ADGRA2: variants seen among roughly 807,000 people sequenced by gnomAD.
The protein encoded by ADGRA2 is G-protein coupled receptor 124.
Under a neutral mutation model 98.7 loss-of-function variants are expected in ADGRA2, and 61 were observed. The observed-to-expected ratio is 0.62, with a 90% CI of 0.50 to 0.76. The LOEUF is 0.76. Among genes scored for constraint, ADGRA2 ranks in the 30% least tolerant of loss-of-function variants. The pLI is 0.00. For missense variants in ADGRA2, 1,712 were observed against 1,860.0 expected (o/e 0.92, Z 1.46); for synonymous variants, 858 against 831.5 (o/e 1.03, Z -0.55).
chr8:37,839,768 G>C, intron 16 of ADGRA2, 146 bp downstream of exon 16: 1 of 1,013,532 alleles, frequency 9.9e-7, no homozygotes, highest in Non-Finnish European at 1.4e-6. Context: ...TTGGAAGGCA[G>C]GGATGGTGGG....
chr8:37,811,159 T>G (rs1355111162), intron 1 of ADGRA2, among the ~76,000 whole-genome samples: 3 of 100,320 alleles, frequency 3.0e-5, no homozygotes, highest in African/African-American at 1.3e-4. Context: ...ATACTGTGTG[T>G]GTGTGTGTGT....
chr8:37,819,505 A>G (rs971348355), intron 2 of ADGRA2, among the ~76,000 whole-genome samples: 2 of 152,052 alleles, frequency 1.3e-5, no homozygotes, highest in Non-Finnish European at 2.9e-5. Flanking sequence ...AGTAACTGGG[A>G]TTACAGGCAC....
chr8:37,814,830 T>C lies in ADGRA2; in HGVS notation c.267-66T>C. ...CAAAGATGCAAGCTGGCCCCACCAGTGGTGAAAGCGGATGCCCAGCACATA... is the reference window on the plus strand; with the variant it reads ...CAAAGATGCAAGCTGGCCCCACCAGCGGTGAAAGCGGATGCCCAGCACATA... On this transcript the variant is annotated intron_variant, in intron 1 of 18. Coordinates refer to ENST00000412232, the MANE Select transcript of ADGRA2 (RefSeq NM_032777.10). The surrounding 1 kb of genome is among the most constrained non-coding windows in gnomAD (Gnocchi z 4.3). 8.4e-7 allele frequency: 1 copy of C among 1,185,380 alleles called. No individual in the cohort carries two copies. Among genetic ancestry groups the C allele is most frequent in the Non-Finnish European group, 1.3e-6 (1 of 790,848 alleles). The allele number at this position is 1,185,380 out of a possible 1,614,324, so 73.4% of individuals were successfully genotyped here. A position where few individuals can be genotyped will look rare whatever the true frequency, so the allele number is the denominator to read the frequency against.
chr8:37,829,664 A>G, intron 5 of ADGRA2, 105 bp downstream of exon 5: 1 of 987,884 alleles, frequency 1.0e-6, no homozygotes, highest in Admixed American at 1.8e-5. Context: ...ACGAGTGGCC[A>G]CAGCAGACAG....
Position 37,830,610 on chromosome 8 carries a change from G to GCGCCCCC in ADGRA2, c.719-99_719-98insGCCCCCC. 2.9e-5 allele frequency: 17 copies of GCGCCCCC among 579,886 alleles called. No individual in the cohort carries two copies. The highest frequency in any genetic ancestry group is 4.7e-4 in the Middle Eastern group (1 of 2,140). The allele number at this position is 579,886 out of a possible 1,614,324, so 35.9% of individuals were successfully genotyped here. On this transcript the variant is annotated intron_variant, in intron 6 of 18. Coordinates refer to ENST00000412232, the MANE Select transcript of ADGRA2 (RefSeq NM_032777.10). This position sits in a 1 kb window ranked among gnomAD's most constrained non-coding sequence, Gnocchi z 4.8. ...AGCTGGAGCAGGCTGCAGGCCGAGG[G>GCGCCCCC]CCCCGCCCCGCCCCACCCCATCCTG...
At chr8:37,831,643 C>T in intron 8 of ADGRA2, 56 bp downstream of exon 8, 3 of 1,521,564 alleles carry the variant, frequency 2.0e-6, no homozygotes, top group Non-Finnish European at 2.7e-6. Flanking sequence ...CACCCTTGCA[C>T]CTGACATCAC....
chr8:37,823,986 C>T (rs1297077592), intron 2 of ADGRA2, among the ~76,000 whole-genome samples: 3 of 151,844 alleles, frequency 2.0e-5, no homozygotes, highest in African/African-American at 7.3e-5. Flanking sequence ...AATATTTTCT[C>T]TCATTCTGTG....
Position 37,842,601 on chromosome 8 carries a change from C to T in ADGRA2, c.*246C>T, listed in dbSNP as rs952484199. 4 of 551,320 alleles carry T rather than the reference C, an allele frequency of 7.3e-6. No homozygotes were observed. In the Admixed American group the frequency reaches 1.3e-4, roughly 18 times the overall value. The allele number at this position is 551,320 out of a possible 1,614,324, so 34.2% of individuals were successfully genotyped here. On this transcript the variant is annotated 3_prime_UTR_variant, in exon 19 of 19. Coordinates refer to ENST00000412232, the MANE Select transcript of ADGRA2 (RefSeq NM_032777.10). ...GGCAGTCTGACTGTCGGTGCCCTCC[C>T]AGGAACGGGGAAGGCCTCCGTCTGT...
rs113785099 is a variant in ADGRA2, at chr8:37,830,071, A to G, written c.718+57A>G. ...AGGGACCCTGCCTCTCCACCAACCCAGGGCCCAGACACGAGCCTCCCCTCA... is the reference window on the plus strand; with the variant it reads ...AGGGACCCTGCCTCTCCACCAACCCGGGGCCCAGACACGAGCCTCCCCTCA... On this transcript the variant is annotated intron_variant, in intron 6 of 18. Transcript: ENST00000412232. This position sits in a 1 kb window ranked among gnomAD's most constrained non-coding sequence, Gnocchi z 4.8. 1,189 of 1,234,398 alleles carry G rather than the reference A, an allele frequency of 9.6e-4. 8 individuals are homozygous for G. In the African/African-American group the frequency reaches 0.017, roughly 18 times the overall value. The allele number at this position is 1,234,398 out of a possible 1,614,324, so 76.5% of individuals were successfully genotyped here. A position where few individuals can be genotyped will look rare whatever the true frequency, so the allele number is the denominator to read the frequency against.
At chr8:37,840,620 C>G in intron 17 of ADGRA2, 140 bp from the exon 18 acceptor site, 1 of 662,280 alleles carries the variant, frequency 1.5e-6, no homozygotes, top group Non-Finnish European at 2.7e-6. Flanking sequence ...CTGCAGGGAC[C>G]TTGCATCCCT....
Position 37,832,997 on chromosome 8 carries a change from C to G in ADGRA2, c.1098-13C>G, listed in dbSNP as rs551438850. 1 of 1,605,968 alleles carries G rather than the reference C, an allele frequency of 6.2e-7. No homozygotes were observed. Among genetic ancestry groups the G allele is most frequent in the Admixed American group, 1.7e-5 (1 of 59,692 alleles). On this transcript the variant is annotated splice_polypyrimidine_tract_variant and intron_variant, in intron 8 of 18. Coordinates refer to ENST00000412232, the MANE Select transcript of ADGRA2 (RefSeq NM_032777.10). The stretch of plus-strand genomic sequence containing the variant: ...AGCCCGGTTCATCGGCAACTTCCTG[C>G]CTCTCCCCCCAGGTGGCCCCGAACT...
At position 37,797,393 on chromosome 8, in the gene ADGRA2, G is replaced by A; in HGVS notation, c.125G>A (p.Arg42His). 1 of 1,431,172 alleles carries A rather than the reference G, an allele frequency of 7.0e-7. No homozygotes were observed. The highest frequency in any genetic ancestry group is 2.8e-5 in the Admixed American group (1 of 35,442). 88.7% of individuals were successfully genotyped at this position (1,431,172 alleles called of 1,614,324 possible). A position where few individuals can be genotyped will look rare whatever the true frequency, so the allele number is the denominator to read the frequency against. The change falls in exon 1 of 19, where the codon CGC becomes CAC. Residue 42 changes from arginine (R) to histidine (H), a missense_variant. Arg to His is a conservative substitution (Grantham distance 29, BLOSUM62 0). Transcript: ENST00000412232. This position sits in a 1 kb window ranked among gnomAD's most constrained non-coding sequence, Gnocchi z 5.3. ...RGAPGCPLSI[R>H]SCKCSGERPK... Reference sequence around the variant, plus strand: ...GCGCCCGGCTGCCCGCTATCCATCCGCAGCTGCAAGTGCTCGGGGGAGCGG... The same window carrying A: ...GCGCCCGGCTGCCCGCTATCCATCCACAGCTGCAAGTGCTCGGGGGAGCGG...
chr8:37,823,514 T>G (rs973694091), intron 2 of ADGRA2, among the ~76,000 whole-genome samples: 9 of 152,188 alleles, frequency 5.9e-5, no homozygotes, highest in African/African-American at 1.9e-4. Context: ...TTCTACTTTT[T>G]GCTACTATGC....
At chr8:37,808,532 A>G (rs1489789100) in intron 1 of ADGRA2, among the ~76,000 whole-genome samples, 1 of 151,486 alleles carries the variant, frequency 6.6e-6, no homozygotes, top group African/African-American at 2.4e-5. Context: ...GAATGGTGGG[A>G]ACATTTTTCT....
intron 2 of ADGRA2, among the ~76,000 whole-genome samples, chr8:37,824,241 G>T (rs762564667): frequency 6.6e-6 from 1 of 151,952 alleles, no homozygotes; most frequent in Non-Finnish European, 1.5e-5. Flanking sequence ...ATGTTAGTCA[G>T]GCTGGTCTCG....
intron 5 of ADGRA2, 68 bp from the exon 6 acceptor site, chr8:37,829,783 G>T: frequency 6.6e-7 from 1 of 1,519,106 alleles, no homozygotes; most frequent in Non-Finnish European, 9.0e-7. Context: ...CCCTCCCTGG[G>T]GCCCCAGGCC....
At position 37,834,765 on chromosome 8, in the gene ADGRA2, G is replaced by A. The variant is rs113322733; in HGVS notation, c.1609-409G>A. Among the ~76,000 whole-genome samples the A allele has an allele frequency of 9.1e-3, 1,383 of 152,248 alleles. 29 individuals carry two copies. The highest frequency in any genetic ancestry group is 0.031 in the African/African-American group (1,274 of 41,548). Reference sequence around the variant, plus strand: ...AAATTACCCAGGAGTGTTGGCATGCGCCTGTGGTCCCAGCTACTCGGGAGG... The same window carrying A: ...AAATTACCCAGGAGTGTTGGCATGCACCTGTGGTCCCAGCTACTCGGGAGG... On this transcript the variant is annotated intron_variant, in intron 11 of 18. Coordinates refer to ENST00000412232, the MANE Select transcript of ADGRA2 (RefSeq NM_032777.10). The surrounding 1 kb of genome is among the most constrained non-coding windows in gnomAD (Gnocchi z 4.2).
At chr8:37,815,529 C>T (rs1390859497) in intron 2 of ADGRA2, among the ~76,000 whole-genome samples, 1 of 152,208 alleles carries the variant, frequency 6.6e-6, no homozygotes, top group Non-Finnish European at 1.5e-5. Flanking sequence ...CTGGGCGTTC[C>T]CCGCTAGCCG....
intron 2 of ADGRA2, among the ~76,000 whole-genome samples, chr8:37,823,628 C>CATAT (rs1563344689): frequency 1.3e-5 from 2 of 152,126 alleles, no homozygotes; most frequent in Admixed American, 1.3e-4. Flanking sequence ...TATGGTAACC[C>CATAT]GAACTGTGAA....
Sources: allele counts gnomAD v4.1 joint callset (sites outside exome capture counted in the v4.1 genomes callset), GRCh38; gene constraint gnomAD v4.1.1; non-coding constraint Gnocchi (gnomAD v3.1); transcripts MANE v1.5; gene names NCBI Gene and HGNC (gene_info 2026-07-23, HGNC 2026-07-21).